The following PPME1 variants were observed in gnomAD, a reference collection of about 807,000 sequenced individuals.
PPME1 encodes the protein protein phosphatase methylesterase 1, also known as testicular secretory protein Li 39.
Under a neutral mutation model 56.9 loss-of-function variants are expected in PPME1, and 17 were observed. The observed-to-expected ratio is 0.30, with a 90% CI of 0.20 to 0.45. PPME1 has a LOEUF of 0.45. PPME1 is among the 20% of genes least tolerant of loss of function. The pLI, the probability that PPME1 is intolerant of heterozygous loss-of-function variation, is 1.00. For missense variants in PPME1, 357 were observed against 483.2 expected, an observed-to-expected ratio of 0.74 and a Z score of 2.45; for synonymous variants, 122 against 156.2, an observed-to-expected ratio of 0.78 and a Z score of 1.63.
At chr11:74,238,352 C>T (rs1241620501) in intron 8 of PPME1, 13 of 152,010 alleles carry the variant, frequency 8.6e-5, no homozygotes, top group Non-Finnish European at 4.4e-5. Flanking sequence ...TGAATTTATC[C>T]CAGTCTCTTT....
At chr11:74,236,918 T>G (rs1304704721) in intron 8 of PPME1, among the ~76,000 whole-genome samples, 1 of 152,250 alleles carries the variant, frequency 6.6e-6, no homozygotes, top group East Asian at 1.9e-4. Flanking sequence ...TTTACATTTC[T>G]GATTGTCTCA....
At chr11:74,185,146 C>T (rs1296892701) in intron 1 of PPME1, among the ~76,000 whole-genome samples, 1 of 151,808 alleles carries the variant, frequency 6.6e-6, no homozygotes, top group African/African-American at 2.4e-5. Context: ...ATTACAGGCA[C>T]ATGTCACCAC....
intron 3 of PPME1, among the ~76,000 whole-genome samples, chr11:74,207,753 C>A (rs1591037341): frequency 6.6e-6 from 1 of 152,224 alleles, no homozygotes; most frequent in South Asian, 2.1e-4. Flanking sequence ...TTTGGCTGAG[C>A]CAGAAGAGAG....
chr11:74,210,558 G>A (rs181882980), intron 3 of PPME1, among the ~76,000 whole-genome samples: 13 of 152,242 alleles, frequency 8.5e-5, no homozygotes, highest in Admixed American at 7.2e-4. Flanking sequence ...GCTTGGTGCC[G>A]TTCTCATGGT....
At chr11:74,182,617 C>T (rs1233454426) in intron 1 of PPME1, among the ~76,000 whole-genome samples, 1 of 152,118 alleles carries the variant, frequency 6.6e-6, no homozygotes, top group African/African-American at 2.4e-5. Flanking sequence ...ACCTTGGCCT[C>T]CTAAAGCATT....
chr11:74,178,843 C>CTTGA (rs1341045928), intron 1 of PPME1, among the ~76,000 whole-genome samples: 1 of 151,730 alleles, frequency 6.6e-6, no homozygotes, highest in Non-Finnish European at 1.5e-5. Flanking sequence ...TGTTATGCTA[C>CTTGA]TTGATGTCAG....
intron 3 of PPME1, among the ~76,000 whole-genome samples, chr11:74,208,884 G>C (rs976851842): frequency 6.6e-6 from 1 of 152,198 alleles, no homozygotes; most frequent in African/African-American, 2.4e-5. Flanking sequence ...ATTGAAGAGT[G>C]TAACAGTGAA....
At chr11:74,191,637 T>A (rs781497429) in intron 1 of PPME1, among the ~76,000 whole-genome samples, 3 of 152,206 alleles carry the variant, frequency 2.0e-5, no homozygotes, top group Non-Finnish European at 2.9e-5. Flanking sequence ...CTGCTCAGCC[T>A]CAGGACTCTG....
rs748517818 is a variant in PPME1, at chr11:74,230,884, G to A, written c.554-28G>A. The A allele has an allele frequency of 3.9e-5, 59 of 1,501,606 alleles. No homozygotes were observed. The highest frequency in any genetic ancestry group is 2.8e-4 in the East Asian group (12 of 42,764). The allele number at this position is 1,501,606 out of a possible 1,614,324, so 93.0% of individuals were successfully genotyped here. A position where few individuals can be genotyped will look rare whatever the true frequency, so the allele number is the denominator to read the frequency against. ...TAAATGCTCAGAATAAGTTAAATAT[G>A]TGGTTACAGTTTTTGTTTAACATCC... On this transcript the variant is annotated intron_variant, in intron 6 of 13. Coordinates refer to ENST00000328257, the MANE Select transcript of PPME1 (RefSeq NM_016147.3). The surrounding 1 kb of genome is among the most constrained non-coding windows in gnomAD (Gnocchi z 4.9).
chr11:74,242,810 C>A (rs1859399331), intron 9 of PPME1, among the ~76,000 whole-genome samples: 1 of 137,610 alleles, frequency 7.3e-6, no homozygotes, highest in Non-Finnish European at 1.5e-5. Flanking sequence ...ACCCGGGAGG[C>A]AGAGGTTGCA....
chr11:74,174,705 A>C (rs1158472474), intron 1 of PPME1, among the ~76,000 whole-genome samples: 1 of 152,238 alleles, frequency 6.6e-6, no homozygotes, highest in Non-Finnish European at 1.5e-5. Context: ...GTATTGTTGG[A>C]TAATTTAATA....
intron 11 of PPME1, 158 bp from the exon 12 acceptor site, chr11:74,250,796 T>A (rs566712833): frequency 1.6e-6 from 1 of 622,644 alleles, no homozygotes; most frequent in Non-Finnish European, 2.9e-6. Context: ...CAATTACTTG[T>A]ATTACCATCC....
chr11:74,178,220 T>C (rs1241239239), intron 1 of PPME1, among the ~76,000 whole-genome samples: 1 of 152,230 alleles, frequency 6.6e-6, no homozygotes, highest in Non-Finnish European at 1.5e-5. Context: ...TTCTATCTTA[T>C]CTTTACAAAT....
rs1859767716 is a variant in PPME1, at chr11:74,253,862, G to C, written c.*352G>C. ...TCAGGCGATACATCTGAGTTCAAATGTCTTCCCAGGCTCAGGGACCTCCAT... is the reference window on the plus strand; with the variant it reads ...TCAGGCGATACATCTGAGTTCAAATCTCTTCCCAGGCTCAGGGACCTCCAT... On this transcript the variant is annotated 3_prime_UTR_variant, in exon 14 of 14. Transcript: ENST00000328257. The C allele has an allele frequency of 2.5e-6, 1 of 399,658 alleles. No individual in the cohort carries two copies. The highest frequency in any genetic ancestry group is 4.7e-5 in the South Asian group (1 of 21,224). The allele number at this position is 399,658 out of a possible 1,614,324, so 24.8% of individuals were successfully genotyped here. A position where few individuals can be genotyped will look rare whatever the true frequency, so the allele number is the denominator to read the frequency against.
intron 10 of PPME1, among the ~76,000 whole-genome samples, chr11:74,246,506 G>A (rs1281452457): frequency 6.6e-6 from 1 of 152,094 alleles, no homozygotes; most frequent in African/African-American, 2.4e-5. Flanking sequence ...CTGAGGTTAC[G>A]TCCTTATAGG....
chr11:74,239,223 T>C lies in PPME1; in HGVS notation c.801T>C (p.Ser267=). 3 of 1,613,432 alleles carry C rather than the reference T, an allele frequency of 1.9e-6. No homozygotes were observed. The highest frequency in any genetic ancestry group is 2.2e-5 in the East Asian group (1 of 44,844). The part of the protein sequence containing the change: ...EEEEDEEGSE[S]ISKRKKEDDM... ...AAGAAGATGAGGAAGGAAGTGAGTC[T>C]ATAAGCAAGAGGAAAAAGGAAGATG... The change falls in exon 9 of 14, where the codon TCT becomes TCC. Residue 267 remains serine (S), a synonymous_variant. Coordinates refer to ENST00000328257, the MANE Select transcript of PPME1 (RefSeq NM_016147.3).
Position 74,205,624 on chromosome 11 carries a change from T to G in PPME1, c.288+1179T>G, listed in dbSNP as rs1443274372. 8 of 152,384 alleles carry G rather than the reference T, an allele frequency of 5.2e-5. No homozygotes were observed. The East Asian group carries it at 1.3e-3, about 26-fold the overall frequency. 9.4% of individuals were successfully genotyped at this position (152,384 alleles called of 1,614,324 possible). ...TTTAAATCTCATCTTGTCTCTTCTT[T>G]TAGATCATGAATTCCTTGAAAATAA... On this transcript the variant is annotated intron_variant, in intron 3 of 13. Coordinates refer to ENST00000328257, the MANE Select transcript of PPME1 (RefSeq NM_016147.3).
intron 9 of PPME1, among the ~76,000 whole-genome samples, chr11:74,241,666 T>C (rs1332902005): frequency 1.3e-5 from 2 of 152,228 alleles, no homozygotes; most frequent in African/African-American, 4.8e-5. Flanking sequence ...TTTTCTCTCT[T>C]TTTGATTATA....
chr11:74,173,722 A>G (rs575021531), intron 1 of PPME1, among the ~76,000 whole-genome samples: 1 of 152,188 alleles, frequency 6.6e-6, no homozygotes, highest in Admixed American at 6.5e-5. Flanking sequence ...TTGTATTTTT[A>G]GTAGAGAGGG....
Sources: gnomAD v4.1 joint callset for allele counts (sites outside exome capture counted in the v4.1 genomes callset) on GRCh38, gnomAD v4.1.1 for gene constraint, Gnocchi (gnomAD v3.1) non-coding constraint, MANE v1.5 for transcripts, NCBI Gene and HGNC (gene_info 2026-07-23, HGNC 2026-07-21) for gene names.